ZNF676: variants seen among roughly 807,000 people sequenced by gnomAD.
The protein encoded by ZNF676 is zinc finger protein 676.
ZNF676 carries 4 observed loss-of-function variants against 6.0 expected under a neutral mutation model. The observed-to-expected ratio is 0.67, with a 90% CI of 0.33 to 1.53. ZNF676 has a LOEUF of 1.53. Ranked by LOEUF, ZNF676 falls within the 40% of genes most tolerant of loss-of-function variation. The probability of loss-of-function intolerance (pLI) is 0.06; values close to 1 mark genes in which losing one functional copy is unlikely to be tolerated. For missense variants in ZNF676, 644 were observed against 679.7 expected, an observed-to-expected ratio of 0.95 and a Z score of 0.58; for synonymous variants, 198 against 223.1, an observed-to-expected ratio of 0.89 and a Z score of 1.00.
chr19:22,225,570 A>G, the ZNF676 span, among the ~76,000 whole-genome samples: 2 of 152,208 alleles, frequency 1.3e-5, no homozygotes, highest in African/African-American at 4.8e-5. Flanking sequence ...TCCACCAACA[A>G]TCAGCATAGG....
the ZNF676 span, among the ~76,000 whole-genome samples, chr19:22,235,795 A>T: frequency 2.0e-5 from 3 of 152,136 alleles, no homozygotes; most frequent in African/African-American, 7.2e-5. Flanking sequence ...CAGGTAGGAC[A>T]GTAAAGGTGT....
At chr19:22,193,869 C>A (rs2023940077) in intron 1 of ZNF676, among the ~76,000 whole-genome samples, 1 of 152,098 alleles carries the variant, frequency 6.6e-6, no homozygotes, top group African/African-American at 2.4e-5. Flanking sequence ...TAATGGAGTG[C>A]AAAGCCCATT....
chr19:22,202,148 A>G (rs2024032701), intron 1 of ZNF676, among the ~76,000 whole-genome samples: 1 of 152,156 alleles, frequency 6.6e-6, no homozygotes, highest in South Asian at 2.1e-4. Flanking sequence ...ATTTGTGGGC[A>G]TTATAGCATG....
chr19:22,183,353 T>C (rs2023788228), intron 2 of ZNF676, among the ~76,000 whole-genome samples: 1 of 152,180 alleles, frequency 6.6e-6, no homozygotes, highest in African/African-American at 2.4e-5. Context: ...ATTTTTTCTT[T>C]TGAGACAAAG....
At chr19:22,193,141 C>G (rs1215114488) in intron 1 of ZNF676, 30 bp from the exon 2 acceptor site, 6 of 1,563,156 alleles carry the variant, frequency 3.8e-6, no homozygotes, top group East Asian at 2.3e-5. Context: ...CAACATCCAT[C>G]TTGCTCATAT....
chr19:22,191,023 T>C (rs1487773837), intron 2 of ZNF676, among the ~76,000 whole-genome samples: 1 of 152,054 alleles, frequency 6.6e-6, no homozygotes, highest in Non-Finnish European at 1.5e-5. Context: ...ACGACAAAAA[T>C]GTCTTAATGA....
At position 22,215,551 on chromosome 19, in the gene ZNF676, T is replaced by C. The variant is rs878977875; in HGVS notation, c.3+81A>G. ...CTTGTGGAGCTGACTGCGGGTAGGC[T>C]TGAGTCCCGCCACAGCCACTTCCCG... On this transcript the variant is annotated intron_variant, in intron 1 of 3. Transcript: ENST00000650058. 8.0e-5 allele frequency: 123 copies of C among 1,528,634 alleles called. 2 individuals are homozygous for C. In the South Asian group the frequency reaches 1.1e-3, roughly 14 times the overall value. The allele number at this position is 1,528,634 out of a possible 1,614,324, so 94.7% of individuals were successfully genotyped here. A position where few individuals can be genotyped will look rare whatever the true frequency, so the allele number is the denominator to read the frequency against.
chr19:22,213,331 C>A (rs2024149491), intron 1 of ZNF676, among the ~76,000 whole-genome samples: 1 of 152,148 alleles, frequency 6.6e-6, no homozygotes, highest in African/African-American at 2.4e-5. Flanking sequence ...CTAGGAGAAT[C>A]CAGAGGCAAA....
At chr19:22,219,732 T>C (rs2024229010), upstream of ZNF676, among the ~76,000 whole-genome samples, 1 of 152,042 alleles carries the variant, frequency 6.6e-6, no homozygotes, top group African/African-American at 2.4e-5. Flanking sequence ...CTCTGCTCAC[T>C]GCAATCTCCA....
upstream of ZNF676, among the ~76,000 whole-genome samples, chr19:22,216,074 T>C (rs761611152): frequency 6.6e-5 from 10 of 152,246 alleles, no homozygotes; most frequent in Admixed American, 5.2e-4. Context: ...TATTTTACTG[T>C]CATGTTAATA....
At chr19:22,206,088 C>T (rs1337224475) in intron 1 of ZNF676, among the ~76,000 whole-genome samples, 1 of 132,562 alleles carries the variant, frequency 7.5e-6, no homozygotes, top group Non-Finnish European at 1.6e-5. Context: ...CACACACACA[C>T]ACAAAATCAA....
chr19:22,187,672 AAAT>A (rs1394035914), intron 2 of ZNF676, among the ~76,000 whole-genome samples: 1 of 152,196 alleles, frequency 6.6e-6, no homozygotes, highest in African/African-American at 2.4e-5. Flanking sequence ...ATGCAATCAA[AAAT>A]AATAAAGGGG....
intron 2 of ZNF676, among the ~76,000 whole-genome samples, chr19:22,182,624 T>C (rs1367031739): frequency 3.2e-5 from 2 of 61,578 alleles, no homozygotes; most frequent in East Asian, 4.7e-4. Flanking sequence ...AAAGAAGCTA[T>C]AAAGTGAGAA....
chr19:22,196,733 AACAC>A lies in ZNF676; in HGVS notation c.-104_-101del, dbSNP rs1238032639. Reference sequence around the variant, plus strand: ...CCCTAAATGTCAATGCTCCCTGGAAAACACACACAAACACATATATTTACCAATT... The same window carrying A: ...CCCTAAATGTCAATGCTCCCTGGAAAACACAAACACATATATTTACCAATT... On this transcript the variant is annotated 5_prime_UTR_variant, in exon 1 of 3. The change abolishes the stop of an existing upstream ORF in the 5' untranslated region. Coordinates refer to ENST00000397121, the MANE Select transcript of ZNF676 (RefSeq NM_001001411.3). 2 of 1,589,946 alleles carry A rather than the reference AACAC, an allele frequency of 1.3e-6. No individual in the cohort carries two copies. Among genetic ancestry groups the A allele is most frequent in the Non-Finnish European group, 1.7e-6 (2 of 1,159,290 alleles).
chr19:22,246,905 C>T, the ZNF676 span, among the ~76,000 whole-genome samples: 3 of 152,232 alleles, frequency 2.0e-5, no homozygotes, highest in East Asian at 5.8e-4. Context: ...AGCTGCTCTG[C>T]CTATGGAGCA....
intron 1 of ZNF676, among the ~76,000 whole-genome samples, chr19:22,205,647 T>C (rs2024069886): frequency 1.3e-5 from 2 of 152,118 alleles, no homozygotes; most frequent in Admixed American, 6.6e-5. Flanking sequence ...ATCTCTGCAA[T>C]ACAGCTAAGG....
At chr19:22,216,589 A>G (rs2024193186), upstream of ZNF676, among the ~76,000 whole-genome samples, 2 of 151,468 alleles carry the variant, frequency 1.3e-5, no homozygotes, top group African/African-American at 4.9e-5. Context: ...TCTCATATTT[A>G]ACTTTTTCTA....
the ZNF676 span, among the ~76,000 whole-genome samples, chr19:22,220,918 T>C: frequency 6.6e-6 from 1 of 152,206 alleles, no homozygotes; most frequent in Non-Finnish European, 1.5e-5. Flanking sequence ...GTAGCAGCTT[T>C]GAATGATCTT....
intron 1 of ZNF676, chr19:22,215,595 G>C: frequency 3.1e-6 from 5 of 1,608,926 alleles, no homozygotes; most frequent in Non-Finnish European, 4.2e-6. Flanking sequence ...AACCAGCCCA[G>C]GCCACTCTCT....
Sources: allele counts gnomAD v4.1 joint callset (sites outside exome capture counted in the v4.1 genomes callset), GRCh38; gene constraint gnomAD v4.1.1; transcripts MANE v1.5; gene names NCBI Gene and HGNC (gene_info 2026-07-23, HGNC 2026-07-21).